Variants in SLC66A3 observed in about 807,000 individuals in gnomAD.
The protein encoded by SLC66A3 is solute carrier family 66 member 3.
A neutral mutation model predicts 25.5 loss-of-function variants in SLC66A3; 23 were observed. The observed-to-expected ratio is 0.90, with a 90% CI of 0.65 to 1.28. SLC66A3 has a LOEUF of 1.28. Among genes scored for constraint, SLC66A3 ranks in the 50% most tolerant of loss-of-function variants. The probability of loss-of-function intolerance (pLI) is 0.00; values close to 1 mark genes in which losing one functional copy is unlikely to be tolerated. For synonymous variants in SLC66A3, 108 were observed against 112.6 expected, an observed-to-expected ratio of 0.96 and a Z score of 0.26; for missense variants, 246 against 262.1, an observed-to-expected ratio of 0.94 and a Z score of 0.42.
chr2:11,163,761 G>A (rs914366541), intron 3 of SLC66A3, among the ~76,000 whole-genome samples: 2 of 152,330 alleles, frequency 1.3e-5, no homozygotes, highest in Admixed American at 1.3e-4. Flanking sequence ...CATTTTTACA[G>A]TGGAGTTTGT....
chr2:11,174,078 C>G (rs1405955581), intron 5 of SLC66A3, among the ~76,000 whole-genome samples: 2 of 152,108 alleles, frequency 1.3e-5, no homozygotes, highest in Non-Finnish European at 2.9e-5. Context: ...CCTCAGCCTC[C>G]CAAGTAGCTG....
chr2:11,173,542 A>C (rs2148002412), intron 5 of SLC66A3, among the ~76,000 whole-genome samples: 1 of 152,270 alleles, frequency 6.6e-6, no homozygotes, highest in African/African-American at 2.4e-5. Flanking sequence ...TCTGTGTGTA[A>C]AGTCTTGGTT....
intron 4 of SLC66A3, among the ~76,000 whole-genome samples, chr2:11,170,458 T>C (rs1281321557): frequency 1.3e-5 from 2 of 152,172 alleles, no homozygotes; most frequent in Non-Finnish European, 2.9e-5. Context: ...AGCAGAGGCC[T>C]GAGCGCACCA....
Position 11,177,843 on chromosome 2 carries a change from C to G in SLC66A3, c.*15C>G. On this transcript the variant is annotated 3_prime_UTR_variant, in exon 7 of 7. Transcript: ENST00000295083. ...AGGCTGAATGATGGATACATTATTC[C>G]TTCACACAGTGGATTTTGAGTAACT... 6.9e-7 allele frequency: 1 copy of G among 1,447,620 alleles called. No homozygotes were observed. Among genetic ancestry groups the G allele is most frequent in the Non-Finnish European group, 9.7e-7 (1 of 1,035,960 alleles). 89.7% of individuals were successfully genotyped at this position (1,447,620 alleles called of 1,614,324 possible). A position where few individuals can be genotyped will look rare whatever the true frequency, so the allele number is the denominator to read the frequency against.
At chr2:11,169,744 C>A (rs1262663898) in intron 4 of SLC66A3, among the ~76,000 whole-genome samples, 1 of 151,948 alleles carries the variant, frequency 6.6e-6, no homozygotes, top group African/African-American at 2.4e-5. Context: ...CCCTCTCCCA[C>A]CTTCATCTTA....
intron 1 of SLC66A3, among the ~76,000 whole-genome samples, chr2:11,159,495 T>C (rs547051082): frequency 6.6e-6 from 1 of 152,304 alleles, no homozygotes; most frequent in East Asian, 1.9e-4. Context: ...GGCAACACTG[T>C]GACCTCCTCT....
At chr2:11,173,769 C>G (rs1211897067) in intron 5 of SLC66A3, among the ~76,000 whole-genome samples, 2 of 152,194 alleles carry the variant, frequency 1.3e-5, no homozygotes, top group Non-Finnish European at 2.9e-5. Context: ...ACGCCACTCC[C>G]TGCTCTTGTG....
intron 5 of SLC66A3, among the ~76,000 whole-genome samples, 198 bp from the exon 6 acceptor site, chr2:11,174,770 G>A (rs1395580498): frequency 6.6e-6 from 1 of 152,090 alleles, no homozygotes; most frequent in African/African-American, 2.4e-5. Flanking sequence ...ATGTAATTAT[G>A]AAATACAGCA....
chr2:11,177,172 T>G (rs1332074111), intron 6 of SLC66A3, among the ~76,000 whole-genome samples: 1 of 152,124 alleles, frequency 6.6e-6, no homozygotes, highest in African/African-American at 2.4e-5. Flanking sequence ...GTTATAACCC[T>G]TCTTAGGCTG....
intron 5 of SLC66A3, 142 bp from the exon 6 acceptor site, chr2:11,174,826 A>G: frequency 2.0e-6 from 1 of 501,214 alleles, no homozygotes; most frequent in East Asian, 3.4e-5. Context: ...AATAGTTAAT[A>G]TATGTTGTTA....
chr2:11,178,113 T>C lies in SLC66A3; in HGVS notation c.*285T>C, dbSNP rs1662832467. 2 of 206,306 alleles carry C rather than the reference T, an allele frequency of 9.7e-6. No individual in the cohort carries two copies. The highest frequency in any genetic ancestry group is 9.5e-5 in the East Asian group (1 of 10,582). 12.8% of individuals were successfully genotyped at this position (206,306 alleles called of 1,614,324 possible). ...ATCCAAGAAGCCCATTTTGAGGCCA[T>C]TTTGAGCCTTACTCTTAAGTTCTCT... On this transcript the variant is annotated 3_prime_UTR_variant, in exon 7 of 7. Coordinates refer to ENST00000295083, the MANE Select transcript of SLC66A3 (RefSeq NM_152391.5).
rs943354567 is a variant in SLC66A3 at position 11,174,424 on chromosome 2, C to T, written c.476-544C>T. On this transcript the variant is annotated intron_variant, in intron 5 of 6. Transcript: ENST00000295083. ...TCCGCAGGCAGCGCTCGAGTACCTTCTAGGTACCTTCCCTCATGAGCAGTT... is the reference window on the plus strand; with the variant it reads ...TCCGCAGGCAGCGCTCGAGTACCTTTTAGGTACCTTCCCTCATGAGCAGTT... 2.6e-5 allele frequency among the ~76,000 whole-genome samples: 4 copies of T among 152,154 alleles called. No individual in the cohort carries two copies. The South Asian group carries it at 8.3e-4, about 31-fold the overall frequency.
Position 11,172,059 on chromosome 2 carries a change from T to G in SLC66A3, c.475+14T>G. 1 of 1,613,118 alleles carries G rather than the reference T, an allele frequency of 6.2e-7. No individual in the cohort carries two copies. Among genetic ancestry groups the G allele is most frequent in the Non-Finnish European group, 8.5e-7 (1 of 1,179,506 alleles). ...ATACCTGTGCAAGTAAGAACCGGAC[T>G]CACATGGTGGGGAGGCCTTTGGTAG... On this transcript the variant is annotated intron_variant, in intron 5 of 6. Coordinates refer to ENST00000295083, the MANE Select transcript of SLC66A3 (RefSeq NM_152391.5).
chr2:11,166,775 A>G (rs1017055962), intron 4 of SLC66A3, among the ~76,000 whole-genome samples: 1 of 152,120 alleles, frequency 6.6e-6, no homozygotes, highest in African/African-American at 2.4e-5. Flanking sequence ...GGCACCTGTA[A>G]TCCCAGCTAC....
In SLC66A3 at chr2:11,155,588, G is replaced by A. The variant is rs1275358774; in HGVS notation, c.42G>A (p.Leu14=). 2.6e-6 allele frequency: 4 copies of A among 1,516,914 alleles called. No individual in the cohort carries two copies. The highest frequency in any genetic ancestry group is 2.1e-5 in the Admixed American group (1 of 48,530). 94.0% of individuals were successfully genotyped at this position (1,516,914 alleles called of 1,614,324 possible). Residue 14 remains leucine, a synonymous_variant, in exon 1 of 7, where the codon CTG becomes CTA. Coordinates refer to ENST00000295083, the MANE Select transcript of SLC66A3 (RefSeq NM_152391.5). ...TGGGGCTGTGTAACTGGAGCACGCT[G>A]GGCGTGTGCGCCGCGCTGAAGCTGC... The part of the protein sequence containing the change: ...ALLGLCNWST[L]GVCAALKLPQ...
chr2:11,161,304 G>GGA (rs1355475562), intron 3 of SLC66A3, among the ~76,000 whole-genome samples: 1 of 150,718 alleles, frequency 6.6e-6, no homozygotes, highest in African/African-American at 2.4e-5. Context: ...ATTTTGAGAC[G>GGA]GTCTCGCTCT....
intron 4 of SLC66A3, among the ~76,000 whole-genome samples, chr2:11,164,730 G>C (rs1662257108): frequency 6.6e-6 from 1 of 151,432 alleles, no homozygotes; most frequent in African/African-American, 2.4e-5. Context: ...TTAGGGAGTG[G>C]TGATGATTCT....
Position 11,155,625 on chromosome 2 carries a change from G to A in SLC66A3, c.79G>A (p.Ala27Thr), listed in dbSNP as rs1020931614. 2.6e-6 allele frequency: 4 copies of A among 1,528,078 alleles called. No homozygotes were observed. Among genetic ancestry groups the A allele is most frequent in the East Asian group, 2.6e-5 (1 of 37,814 alleles). 94.7% of individuals were successfully genotyped at this position (1,528,078 alleles called of 1,614,324 possible). A position where few individuals can be genotyped will look rare whatever the true frequency, so the allele number is the denominator to read the frequency against. Residue 27 changes from alanine to threonine, a missense_variant, in exon 1 of 7, where the codon GCT becomes ACT. Physicochemically the swap from Ala to Thr is moderately conservative, Grantham distance 58. Coordinates refer to ENST00000295083, the MANE Select transcript of SLC66A3 (RefSeq NM_152391.5). ...CAALKLPQIS[A>T]VLAARSARGL... ...CGCGCTGAAGCTGCCGCAGATCTCC[G>A]CTGTGCTAGCGGCGCGCAGCGCGCG...
intron 4 of SLC66A3, among the ~76,000 whole-genome samples, chr2:11,166,821 G>A (rs150936467): frequency 2.1e-4 from 32 of 152,320 alleles, no homozygotes; most frequent in Middle Eastern, 6.8e-3. Flanking sequence ...CTTCAACCCC[G>A]GAGGCGGAGC....
Sources: allele counts gnomAD v4.1 joint callset (sites outside exome capture counted in the v4.1 genomes callset), GRCh38; gene constraint gnomAD v4.1.1; transcripts MANE v1.5; gene names NCBI Gene and HGNC (gene_info 2026-07-23, HGNC 2026-07-21).